The following TCF12 variants were observed in gnomAD, a reference collection of about 807,000 sequenced individuals.
The protein encoded by TCF12 is DNA-binding protein HTF4.
A neutral mutation model predicts 86.0 loss-of-function variants in TCF12; 45 were observed. The observed-to-expected ratio is 0.52, with a 90% CI of 0.41 to 0.67. TCF12 has a LOEUF of 0.67. TCF12 is among the 30% of genes least tolerant of loss of function. The pLI is 0.00. For missense variants in TCF12, 881 were observed against 859.9 expected (o/e 1.02, Z -0.31); for synonymous variants, 330 against 299.6 (o/e 1.10, Z -1.05).
intron 18 of TCF12, among the ~76,000 whole-genome samples, chr15:57,267,516 A>T (rs770838125): frequency 7.2e-5 from 11 of 152,220 alleles, no homozygotes; most frequent in Non-Finnish European, 1.5e-4. Context: ...TAGATCAGGA[A>T]TCAGCAAACT....
At chr15:57,136,708 C>T (rs1346215593) in intron 5 of TCF12, among the ~76,000 whole-genome samples, 2 of 152,302 alleles carry the variant, frequency 1.3e-5, no homozygotes, top group Middle Eastern at 3.4e-3. Flanking sequence ...CAAGGTCTCA[C>T]TCTGTCACCC....
intron 5 of TCF12, among the ~76,000 whole-genome samples, chr15:57,161,691 A>G (rs1422809790): frequency 6.6e-6 from 1 of 152,234 alleles, no homozygotes; most frequent in African/African-American, 2.4e-5. Flanking sequence ...ATTTTTACCA[A>G]TCTCTAAGTG....
At chr15:56,980,729 A>G (rs1422861007) in intron 3 of TCF12, among the ~76,000 whole-genome samples, 8 of 151,954 alleles carry the variant, frequency 5.3e-5, no homozygotes, top group Non-Finnish European at 8.8e-5. Flanking sequence ...ACAGCCTCCA[A>G]TTTCAGTTGT....
intron 5 of TCF12, among the ~76,000 whole-genome samples, chr15:57,149,222 A>G (rs560688305): frequency 1.2e-4 from 19 of 152,286 alleles, no homozygotes; most frequent in South Asian, 4.1e-4. Context: ...AGTGTTTTTC[A>G]TGCCCTGTGG....
intron 3 of TCF12, among the ~76,000 whole-genome samples, chr15:56,982,369 C>G (rs945004068): frequency 2.7e-4 from 41 of 152,188 alleles, no homozygotes; most frequent in African/African-American, 9.9e-4. Context: ...AGAATTCTTA[C>G]GCTTTTTAAA....
intron 5 of TCF12, among the ~76,000 whole-genome samples, chr15:57,097,070 C>CT (rs1222221757): frequency 6.6e-6 from 1 of 152,088 alleles, no homozygotes; most frequent in Non-Finnish European, 1.5e-5. Flanking sequence ...CCCAAGTACA[C>CT]TTTTTTTCTG....
intron 3 of TCF12, among the ~76,000 whole-genome samples, chr15:56,962,724 A>C (rs1011512693): frequency 2.0e-5 from 3 of 152,216 alleles, no homozygotes; most frequent in African/African-American, 7.2e-5. Flanking sequence ...TTACTTTCTG[A>C]TACAGAATTG....
intron 4 of TCF12, among the ~76,000 whole-genome samples, chr15:57,069,301 A>C (rs1156697253): frequency 6.6e-6 from 1 of 152,214 alleles, no homozygotes; most frequent in Non-Finnish European, 1.5e-5. Flanking sequence ...TTGGCATTTT[A>C]ATCATGAACA....
At chr15:56,979,242 A>G (rs998795007) in intron 3 of TCF12, among the ~76,000 whole-genome samples, 15 of 152,226 alleles carry the variant, frequency 9.9e-5, no homozygotes, top group African/African-American at 3.1e-4. Context: ...TATTGTCAAC[A>G]GTAATATGTA....
At chr15:56,979,328 T>A (rs1226524609) in intron 3 of TCF12, among the ~76,000 whole-genome samples, 1 of 152,174 alleles carries the variant, frequency 6.6e-6, no homozygotes, top group African/African-American at 2.4e-5. Flanking sequence ...ATCTTTTCAT[T>A]GACTTTATTT....
intron 14 of TCF12, 57 bp from the exon 15 acceptor site, chr15:57,252,364 C>G (rs1449497931): frequency 7.3e-7 from 1 of 1,366,612 alleles, no homozygotes; most frequent in Admixed American, 1.7e-5. Flanking sequence ...TTCCTCATCT[C>G]TTTTGGAGTT....
rs1229644765 is a variant in TCF12, at chr15:57,253,171, C to T, written c.1261-91C>T. On this transcript the variant is annotated intron_variant, in intron 15 of 20. Coordinates refer to ENST00000333725, the MANE Select transcript of TCF12 (RefSeq NM_207037.2). ...CTTGATACTGCATTTCACTTGCTATCTTCCACATATCACATAGTAGGAAAC... is the reference window on the plus strand; with the variant it reads ...CTTGATACTGCATTTCACTTGCTATTTTCCACATATCACATAGTAGGAAAC... 8 of 1,400,010 alleles carry T rather than the reference C, an allele frequency of 5.7e-6. No homozygotes were observed. In the East Asian group the frequency reaches 1.8e-4, roughly 32 times the overall value. The allele number at this position is 1,400,010 out of a possible 1,614,324, so 86.7% of individuals were successfully genotyped here.
chr15:57,173,908 A>G (rs577616156), intron 6 of TCF12, among the ~76,000 whole-genome samples: 2 of 152,110 alleles, frequency 1.3e-5, no homozygotes, highest in African/African-American at 4.8e-5. Flanking sequence ...GGGTTTCACC[A>G]TATTGGCCAG....
intron 13 of TCF12, chr15:57,247,455 T>A (rs1265636599): frequency 1.4e-6 from 1 of 714,004 alleles, no homozygotes; most frequent in Non-Finnish European, 2.6e-6. Context: ...AGGGCCTTTT[T>A]TACTTCACAG....
chr15:57,056,116 G>GGTGT (rs137934114), intron 3 of TCF12, among the ~76,000 whole-genome samples: 14,601 of 143,174 alleles, frequency 0.1, 1,287 homozygotes, highest in African/African-American at 0.24. Flanking sequence ...TAGTTTTAGG[G>GGTGT]GTGTGTGTGT....
chr15:57,078,377 T>C (rs1687205883), intron 4 of TCF12, among the ~76,000 whole-genome samples: 1 of 152,286 alleles, frequency 6.6e-6, no homozygotes, highest in South Asian at 2.1e-4. Context: ...ATGGTACTAA[T>C]CAAACCTTGG....
chr15:57,262,291 C>A, intron 17 of TCF12, 83 bp downstream of exon 17: 2 of 1,020,428 alleles, frequency 2.0e-6, no homozygotes, highest in Non-Finnish European at 2.9e-6. Flanking sequence ...GCTGGATTGA[C>A]ATCTGTGAAT....
chr15:56,932,046 T>C (rs2060269355), intron 3 of TCF12, among the ~76,000 whole-genome samples: 1 of 152,196 alleles, frequency 6.6e-6, no homozygotes, highest in Admixed American at 6.5e-5. Context: ...ATCCCTCTTC[T>C]CAAGCTTAGG....
chr15:57,002,630 T>C (rs185003505), intron 3 of TCF12, among the ~76,000 whole-genome samples: 17 of 152,296 alleles, frequency 1.1e-4, no homozygotes, highest in Admixed American at 2.0e-4. Flanking sequence ...CACATAGATA[T>C]ATCCCAATTC....
Sources: gnomAD v4.1 joint callset for allele counts (sites outside exome capture counted in the v4.1 genomes callset) on GRCh38, gnomAD v4.1.1 for gene constraint, MANE v1.5 for transcripts, NCBI Gene and HGNC (gene_info 2026-07-23, HGNC 2026-07-21) for gene names.